RXRG: variants seen among roughly 807,000 people sequenced by gnomAD.
The protein encoded by RXRG is retinoid X receptor gamma, also known as retinoic acid receptor RXR-gamma.
In RXRG, 19 loss-of-function variants were observed where a neutral mutation model predicts 49.2. The ratio of observed to expected loss-of-function variants is 0.39; its 90% CI spans 0.27 to 0.57. The LOEUF (loss-of-function observed/expected upper bound fraction) is 0.57, where lower values mean the gene tolerates loss of function less well. RXRG is among the 20% of genes least tolerant of loss of function. RXRG has a pLI of 0.64. For synonymous variants in RXRG, 224 were observed against 216.6 expected, an observed-to-expected ratio of 1.03 and a Z score of -0.30; for missense variants, 452 against 592.5, an observed-to-expected ratio of 0.76 and a Z score of 2.46.
intron 1 of RXRG, among the ~76,000 whole-genome samples, chr1:165,433,777 A>G (rs1298664832): frequency 6.6e-6 from 1 of 152,194 alleles, no homozygotes; most frequent in African/African-American, 2.4e-5. Flanking sequence ...CTGAGTCTGG[A>G]CCAGATGCTG....
At chr1:165,438,749 C>T (rs2101746860) in intron 1 of RXRG, among the ~76,000 whole-genome samples, 1 of 152,258 alleles carries the variant, frequency 6.6e-6, no homozygotes, top group African/African-American at 2.4e-5. Flanking sequence ...GATTTCTAAA[C>T]AAAAACAACC....
At chr1:165,441,730 G>C (rs1205033293) in intron 1 of RXRG, among the ~76,000 whole-genome samples, 2 of 152,164 alleles carry the variant, frequency 1.3e-5, no homozygotes, top group African/African-American at 4.8e-5. Flanking sequence ...AATTGGATGG[G>C]GGGGATTACA....
intron 2 of RXRG, among the ~76,000 whole-genome samples, chr1:165,427,211 T>G (rs1200526926): frequency 6.6e-6 from 1 of 152,178 alleles, no homozygotes; most frequent in East Asian, 1.9e-4. Context: ...CCTCTAGGTG[T>G]GCTGGTAGTT....
chr1:165,404,121 G>T lies in RXRG; in HGVS notation c.1244+2691C>A, dbSNP rs180899937. The stretch of plus-strand genomic sequence containing the variant: ...GAGAAATCTGCCTCTACCTGGCTGT[G>T]CCAGGATCCCCTTCAACCAGGTTCT... On this transcript the variant is annotated intron_variant, in intron 9 of 9. Transcript: ENST00000359842. Among the ~76,000 whole-genome samples, 6 of 152,282 alleles carry T rather than the reference G, an allele frequency of 3.9e-5. No homozygotes were observed. In the South Asian group the frequency reaches 8.3e-4, roughly 21 times the overall value.
chr1:165,403,818 A>T (rs147538997), intron 9 of RXRG, among the ~76,000 whole-genome samples: 7 of 152,256 alleles, frequency 4.6e-5, no homozygotes, highest in Non-Finnish European at 8.8e-5. Context: ...GTATGCCATC[A>T]TACTACCCTC....
chr1:165,424,827 A>T (rs1360654542), intron 2 of RXRG: 1 of 985,338 alleles, frequency 1.0e-6, no homozygotes, highest in African/African-American at 1.7e-5. Context: ...GGAAGGCAGG[A>T]TGCATAGGAA....
At chr1:165,430,141 C>T (rs1398941698) in intron 1 of RXRG, among the ~76,000 whole-genome samples, 2 of 152,180 alleles carry the variant, frequency 1.3e-5, no homozygotes, top group African/African-American at 4.8e-5. Flanking sequence ...GGATTAAGTG[C>T]TCAGTAAGCA....
At chr1:165,421,740 C>G (rs1052252743) in intron 2 of RXRG, among the ~76,000 whole-genome samples, 1 of 152,092 alleles carries the variant, frequency 6.6e-6, no homozygotes, top group Non-Finnish European at 1.5e-5. Flanking sequence ...CCATGTTGGT[C>G]AGACTGGTCT....
chr1:165,409,045 A>G (rs1238604773), intron 7 of RXRG, among the ~76,000 whole-genome samples: 4 of 152,178 alleles, frequency 2.6e-5, no homozygotes, highest in African/African-American at 7.2e-5. Flanking sequence ...CTGTCAGGGT[A>G]TCCCTGCCTG....
chr1:165,428,859 G>T lies in RXRG; in HGVS notation c.157C>A (p.Pro53Thr), dbSNP rs1301655660. Reference protein sequence around the residue: ...PSYTDTPVSAPRTLSAVGTPL... With the variant: ...PSYTDTPVSATRTLSAVGTPL... Reference sequence around the variant, plus strand: ...GTCCCCACTGCACTCAGAGTCCGTGGGGCACTCACTGGGGTATCTGTGTAG... The same window carrying T: ...GTCCCCACTGCACTCAGAGTCCGTGTGGCACTCACTGGGGTATCTGTGTAG... Residue 53 changes from proline to threonine, a missense_variant, in exon 2 of 10, where the codon CCA becomes ACA. This residue lies in a region of RXRG where 166 missense variants were observed against 151.7 expected (regional missense o/e 1.09). Coordinates refer to ENST00000359842, the MANE Select transcript of RXRG (RefSeq NM_006917.5). 1.2e-6 allele frequency: 2 copies of T among 1,614,116 alleles called. No homozygotes were observed. The highest frequency in any genetic ancestry group is 3.3e-5 in the Admixed American group (2 of 60,024).
chr1:165,410,652 A>C, intron 6 of RXRG, 50 bp downstream of exon 6: 3 of 1,608,734 alleles, frequency 1.9e-6, no homozygotes, highest in Non-Finnish European at 2.5e-6. Context: ...TAGGATCCCA[A>C]GAGCAATTTC....
intron 1 of RXRG, 72 bp from the exon 2 acceptor site, chr1:165,429,038 G>A (rs1557922734): frequency 6.0e-6 from 9 of 1,507,556 alleles, no homozygotes; most frequent in Non-Finnish European, 8.0e-6. Context: ...CAGAGGCCTA[G>A]CCCCACCTTT....
intron 8 of RXRG, among the ~76,000 whole-genome samples, chr1:165,407,599 G>C (rs995716989): frequency 2.6e-5 from 4 of 152,132 alleles, no homozygotes; most frequent in Non-Finnish European, 5.9e-5. Context: ...TCTCACCCCA[G>C]TGTCACAGCC....
chr1:165,417,062 C>T lies in RXRG; in HGVS notation c.601G>A (p.Val201Ile), dbSNP rs747401472. The T allele has an allele frequency of 6.2e-7, 1 of 1,613,838 alleles. No homozygotes were observed. Among genetic ancestry groups the T allele is most frequent in the Non-Finnish European group, 8.5e-7 (1 of 1,179,840 alleles). Residue 201 changes from valine to isoleucine, a missense_variant, in exon 4 of 10, where the codon GTC becomes ATC. Physicochemically the swap from Val to Ile is conservative, Grantham distance 29. Transcript: ENST00000359842. ...CQYCRYQKCL[V>I]MGMKREAVQE... is the part of the protein sequence containing the mutation. ...TCACCTTCCCTCTTCATGCCCATGA[C>T]AAGGCACTTCTGATAGCGACAGTAC...
intron 4 of RXRG, among the ~76,000 whole-genome samples, chr1:165,413,981 G>T (rs1658040742): frequency 6.6e-6 from 1 of 152,176 alleles, no homozygotes; most frequent in Non-Finnish European, 1.5e-5. Context: ...TGGTCTCTCT[G>T]TTATCTGCTC....
chr1:165,433,543 A>G (rs1385854370), intron 1 of RXRG, among the ~76,000 whole-genome samples: 1 of 152,210 alleles, frequency 6.6e-6, no homozygotes, highest in African/African-American at 2.4e-5. Context: ...TAACTTATCT[A>G]ATGAAAAAGC....
chr1:165,428,688 T>C lies in RXRG; in HGVS notation c.297+31A>G, dbSNP rs764306208. 1.9e-6 allele frequency: 3 copies of C among 1,554,426 alleles called. No homozygotes were observed. In the Admixed American group the frequency reaches 5.5e-5, roughly 28 times the overall value. On this transcript the variant is annotated intron_variant, in intron 2 of 9. Transcript: ENST00000359842. ...CCTGGGTGAAACCATGTAAGATGGC[T>C]GGAAAGGCCTTGGAGAGGAAGAACA...
In RXRG at chr1:165,409,759, G is replaced by A. The variant is rs1657882449; in HGVS notation, c.914-69C>T. The A allele has an allele frequency of 7.6e-6, 10 of 1,317,840 alleles. No individual in the cohort carries two copies. In the Middle Eastern group the frequency reaches 7.7e-4, roughly 102 times the overall value. 81.6% of individuals were successfully genotyped at this position (1,317,840 alleles called of 1,614,324 possible). On this transcript the variant is annotated intron_variant, in intron 6 of 9. Transcript: ENST00000359842. ...TCTTTCTTTACTTATAATCACCCAA[G>A]GCATGTACTATTATCCCACATAACA...
chr1:165,401,538 A>G, intron 9 of RXRG, 128 bp from the exon 10 acceptor site: 1 of 969,680 alleles, frequency 1.0e-6, no homozygotes, highest in Non-Finnish European at 1.5e-6. Context: ...AGGGTAGACA[A>G]GGGGGTCACA....
Sources: gnomAD v4.1 joint callset for allele counts (sites outside exome capture counted in the v4.1 genomes callset) on GRCh38, gnomAD v4.1.1 for gene constraint, gnomAD v4.1.1 regional missense constraint, MANE v1.5 for transcripts, NCBI Gene and HGNC (gene_info 2026-07-23, HGNC 2026-07-21) for gene names.